C19orf47: variants seen among roughly 807,000 people sequenced by gnomAD.
C19orf47 encodes the protein uncharacterized protein C19orf47.
A neutral mutation model predicts 32.3 loss-of-function variants in C19orf47; 18 were observed. The observed-to-expected ratio is 0.56, with a 90% CI of 0.39 to 0.83. The LOEUF is 0.83. C19orf47 is among the 40% of genes least tolerant of loss of function. The pLI, the probability that C19orf47 is intolerant of heterozygous loss-of-function variation, is 0.00. For missense variants in C19orf47, 484 were observed against 531.6 expected, an observed-to-expected ratio of 0.91 and a Z score of 0.88; for synonymous variants, 202 against 211.1, an observed-to-expected ratio of 0.96 and a Z score of 0.37.
the C19orf47 span, among the ~76,000 whole-genome samples, chr19:40,298,530 T>C: frequency 1.3e-5 from 2 of 152,186 alleles, no homozygotes; most frequent in Admixed American, 6.6e-5. Flanking sequence ...TTTGGGTCCA[T>C]AGGTAAACAT....
chr19:40,311,635 T>C, the C19orf47 span, among the ~76,000 whole-genome samples: 3 of 152,148 alleles, frequency 2.0e-5, no homozygotes, highest in African/African-American at 7.2e-5. Context: ...TCACACTTCC[T>C]TCAGGTGGCG....
At chr19:40,315,352 A>G (rs2077654724), downstream of C19orf47, among the ~76,000 whole-genome samples, 1 of 152,130 alleles carries the variant, frequency 6.6e-6, no homozygotes, top group Non-Finnish European at 1.5e-5. Context: ...TGCAACTCTA[A>G]AACTATTCTA....
rs757934601 is a variant in C19orf47 at position 40,326,340 on chromosome 19, C to T, written c.586G>A (p.Ala196Thr). ...GCCCCTGATGGGCCAGTACCTTTTG[C>T]AGCCTGCTGCTGCTCCAGGATCTTG... ...TRKILEQQQA[A>T]KGLHRTSVFD... The change falls in exon 7 of 9, where the codon GCA (alanine) becomes ACA (threonine). Residue 196 changes from alanine to threonine, a missense_variant. Coordinates refer to ENST00000683109, the MANE Select transcript of C19orf47 (RefSeq NM_001256441.2). The T allele has an allele frequency of 6.2e-7, 1 of 1,614,146 alleles. No individual in the cohort carries two copies. Among genetic ancestry groups the T allele is most frequent in the South Asian group, 1.1e-5 (1 of 91,084 alleles).
chr19:40,314,481 A>G, the C19orf47 span, among the ~76,000 whole-genome samples: 17 of 152,188 alleles, frequency 1.1e-4, no homozygotes, highest in Non-Finnish European at 1.9e-4. Flanking sequence ...GAACCAACTG[A>G]AAGAGCTCCC....
the C19orf47 span, among the ~76,000 whole-genome samples, chr19:40,297,719 A>T: frequency 9.9e-5 from 11 of 110,890 alleles, no homozygotes; most frequent in Admixed American, 2.0e-4. Flanking sequence ...AAAAAAAAAA[A>T]AAAAATTAGC....
chr19:40,317,839 C>T (rs1339639987), downstream of C19orf47, among the ~76,000 whole-genome samples: 1 of 151,894 alleles, frequency 6.6e-6, no homozygotes, highest in Non-Finnish European at 1.5e-5. Context: ...CGTGTCTCAG[C>T]CTCCCAAGTA....
intron 5 of C19orf47, among the ~76,000 whole-genome samples, chr19:40,332,835 G>A (rs985881703): frequency 2.6e-5 from 4 of 152,122 alleles, no homozygotes; most frequent in African/African-American, 9.7e-5. Context: ...GTTCCCAAAT[G>A]AGGACAAAGA....
At chr19:40,294,300 A>ACCC in the C19orf47 span, among the ~76,000 whole-genome samples, 5 of 152,226 alleles carry the variant, frequency 3.3e-5, no homozygotes, top group Admixed American at 3.3e-4. Flanking sequence ...CTCTGCCTGT[A>ACCC]GAGTCCAGCG....
chr19:40,332,711 T>C (rs1379273502), intron 5 of C19orf47: 2 of 152,030 alleles, frequency 1.3e-5, no homozygotes, highest in African/African-American at 2.4e-5. Flanking sequence ...AGATTCCATA[T>C]TTGCAAACTT....
In C19orf47 at chr19:40,322,466, G is replaced by A. The variant is rs1378030925; in HGVS notation, c.664-90C>T. 2.1e-6 allele frequency: 3 copies of A among 1,399,558 alleles called. No individual in the cohort carries two copies. The Admixed American group carries it at 8.1e-5, about 38-fold the overall frequency. The allele number at this position is 1,399,558 out of a possible 1,614,324, so 86.7% of individuals were successfully genotyped here. On this transcript the variant is annotated intron_variant, in intron 8 of 8. Coordinates refer to ENST00000683109, the MANE Select transcript of C19orf47 (RefSeq NM_001256441.2). ...GCTTCCTCTGTGCCTGGCCTCCTGG[G>A]ACTCACAGTTGGGAGAAACACCCAT...
intron 6 of C19orf47, among the ~76,000 whole-genome samples, chr19:40,326,768 C>A (rs1021941070): frequency 5.3e-5 from 8 of 152,148 alleles, no homozygotes; most frequent in African/African-American, 1.7e-4. Flanking sequence ...CAGCCCACAT[C>A]CCCTCGGATG....
chr19:40,301,671 C>T, the C19orf47 span, among the ~76,000 whole-genome samples: 2 of 151,432 alleles, frequency 1.3e-5, no homozygotes, highest in African/African-American at 4.8e-5. Flanking sequence ...CATAGAGAAA[C>T]CCATCTCTAC....
chr19:40,321,776 G>T lies in C19orf47; in HGVS notation c.*106C>A. On this transcript the variant is annotated 3_prime_UTR_variant, in exon 9 of 9. Transcript: ENST00000683109. ...TAGCTCTAGAGCCCGAGGGAGACAA[G>T]CTGTGTCATCCAGGAGCTGGTGGGA... The T allele has an allele frequency of 6.9e-7, 1 of 1,440,978 alleles. No individual in the cohort carries two copies. 89.3% of individuals were successfully genotyped at this position (1,440,978 alleles called of 1,614,324 possible).
chr19:40,322,448 C>G (rs1036390722), intron 8 of C19orf47, 72 bp from the exon 9 acceptor site: 111 of 1,460,672 alleles, frequency 7.6e-5, no homozygotes, highest in Non-Finnish European at 9.2e-5. Flanking sequence ...GCTGCTTCCT[C>G]TGTGCCTGGC....
chr19:40,327,532 G>A (rs572817005), intron 6 of C19orf47, among the ~76,000 whole-genome samples: 1 of 152,300 alleles, frequency 6.6e-6, no homozygotes, highest in South Asian at 2.1e-4. Context: ...GCAGGACAAA[G>A]GGGAGACTTT....
the C19orf47 span, among the ~76,000 whole-genome samples, chr19:40,299,148 G>T: frequency 6.6e-5 from 10 of 151,790 alleles, no homozygotes; most frequent in African/African-American, 2.2e-4. Context: ...CTTTTATCAG[G>T]CCTTCAATTA....
chr19:40,326,266 G>A (rs1395075659), intron 7 of C19orf47, 68 bp downstream of exon 7: 84 of 1,582,276 alleles, frequency 5.3e-5, no homozygotes, highest in Admixed American at 6.9e-5. Context: ...AGGATATGAC[G>A]GGCCCTGTGT....
At position 40,324,149 on chromosome 19, in the gene C19orf47, A is replaced by G. The variant is rs1400791415; in HGVS notation, c.593-73T>C. On this transcript the variant is annotated intron_variant, in intron 7 of 8. Transcript: ENST00000683109. ...CTAGGCTGAGCTCTGTACAGACACC[A>G]AGGCAGCCCAGACACCAGTAGCTCT... 5 of 1,452,534 alleles carry G rather than the reference A, an allele frequency of 3.4e-6. No homozygotes were observed. In the Admixed American group the frequency reaches 6.7e-5, roughly 19 times the overall value. The allele number at this position is 1,452,534 out of a possible 1,614,324, so 90.0% of individuals were successfully genotyped here. A position where few individuals can be genotyped will look rare whatever the true frequency, so the allele number is the denominator to read the frequency against.
chr19:40,346,442 CAAATAAATAAATAAATAAATAAAT>C (rs201362970), intron 1 of C19orf47, among the ~76,000 whole-genome samples: 5 of 105,846 alleles, frequency 4.7e-5, no homozygotes, highest in Non-Finnish European at 7.3e-5. Flanking sequence ...GACCTTGTCT[CAAATAAATAAATAAATAAATAAAT>C]AAATAAATAA....
Sources: gnomAD v4.1 joint callset for allele counts (sites outside exome capture counted in the v4.1 genomes callset) on GRCh38, gnomAD v4.1.1 for gene constraint, MANE v1.5 for transcripts, NCBI Gene and HGNC (gene_info 2026-07-23, HGNC 2026-07-21) for gene names.